The following WSCD2 variants were observed in gnomAD, a reference collection of about 807,000 sequenced individuals.
WSCD2 encodes the protein sialate:O-sulfotransferase 2.
A neutral mutation model predicts 55.7 loss-of-function variants in WSCD2; 28 were observed. The observed-to-expected ratio is 0.50, with a 90% CI of 0.37 to 0.69. WSCD2 has a LOEUF of 0.69. WSCD2 is among the 30% of genes least tolerant of loss of function. The pLI, the probability that WSCD2 is intolerant of heterozygous loss-of-function variation, is 0.00. For missense variants in WSCD2, 616 were observed against 762.1 expected, an observed-to-expected ratio of 0.81 and a Z score of 2.26; for synonymous variants, 301 against 301.9, an observed-to-expected ratio of 1.00 and a Z score of 0.03.
At chr12:108,226,448 G>C (rs908245591) in intron 5 of WSCD2, among the ~76,000 whole-genome samples, 1 of 151,962 alleles carries the variant, frequency 6.6e-6, no homozygotes, top group East Asian at 1.9e-4. Flanking sequence ...CTCATCAAGG[G>C]GGCATTTACT....
intron 2 of WSCD2, among the ~76,000 whole-genome samples, chr12:108,199,028 T>C (rs1025434039): frequency 9.8e-5 from 15 of 152,304 alleles, no homozygotes; most frequent in Admixed American, 9.8e-4. Context: ...CAATCTTATA[T>C]ATTTTATAAA....
At chr12:108,238,855 G>C (rs994590641) in intron 7 of WSCD2, among the ~76,000 whole-genome samples, 3 of 152,226 alleles carry the variant, frequency 2.0e-5, no homozygotes, top group African/African-American at 7.2e-5. Flanking sequence ...CAGAGCCCAG[G>C]TTTGTATTTC....
intron 1 of WSCD2, among the ~76,000 whole-genome samples, chr12:108,177,864 G>C (rs1304014865): frequency 6.6e-6 from 1 of 152,154 alleles, no homozygotes; most frequent in Non-Finnish European, 1.5e-5. Context: ...GGACAGTGGA[G>C]AGCCTCTAGG....
intron 1 of WSCD2, among the ~76,000 whole-genome samples, chr12:108,164,289 T>C (rs1462003268): frequency 6.6e-6 from 1 of 151,870 alleles, no homozygotes; most frequent in East Asian, 1.9e-4. Context: ...TACAGACCAT[T>C]CTTATCACTC....
chr12:108,161,664 G>A (rs576983118), intron 1 of WSCD2, among the ~76,000 whole-genome samples: 1 of 152,344 alleles, frequency 6.6e-6, no homozygotes, highest in South Asian at 2.1e-4. Flanking sequence ...CACTTGGTTT[G>A]TGGTACTCTG....
chr12:108,236,046 T>G (rs1889235767), intron 7 of WSCD2, among the ~76,000 whole-genome samples: 1 of 152,232 alleles, frequency 6.6e-6, no homozygotes, highest in South Asian at 2.1e-4. Flanking sequence ...CCTTTCAGAC[T>G]CCAGGTATAA....
rs60876553 is a variant in WSCD2, at chr12:108,250,200, A to G, written c.*1857A>G. ...TGTGTGTGTGTGTGTGTGTGTGTGTATGAGAGAGAGAGAGAGAGACAACAG... is the reference window on the plus strand; with the variant it reads ...TGTGTGTGTGTGTGTGTGTGTGTGTGTGAGAGAGAGAGAGAGAGACAACAG... On this transcript the variant is annotated 3_prime_UTR_variant, in exon 9 of 9. Transcript: ENST00000547525. 0.15 allele frequency: 15,273 copies of G among 99,770 alleles called. 794 individuals carry two copies. Among genetic ancestry groups the G allele is most frequent in the African/African-American group, 0.19 (5,006 of 26,598 alleles). 6.2% of individuals were successfully genotyped at this position (99,770 alleles called of 1,614,324 possible).
At chr12:108,166,520 G>A (rs944681257) in intron 1 of WSCD2, among the ~76,000 whole-genome samples, 17 of 152,254 alleles carry the variant, frequency 1.1e-4, no homozygotes, top group Middle Eastern at 3.4e-3. Context: ...AAGTGGTCCT[G>A]CTGAAATTCA....
At chr12:108,133,428 T>A (rs1232425711) in intron 1 of WSCD2, among the ~76,000 whole-genome samples, 2 of 152,148 alleles carry the variant, frequency 1.3e-5, no homozygotes, top group Non-Finnish European at 2.9e-5. Context: ...AGTGTAACTT[T>A]TGTGCATGTC....
chr12:108,144,194 C>A (rs1212620209), intron 1 of WSCD2, among the ~76,000 whole-genome samples: 1 of 152,128 alleles, frequency 6.6e-6, no homozygotes, highest in African/African-American at 2.4e-5. Flanking sequence ...GGACCCAGAG[C>A]CTGTACTGTC....
intron 1 of WSCD2, among the ~76,000 whole-genome samples, chr12:108,166,785 C>CTTTCTTTCTTTCTTTCTTTCTTTCTTTA (rs1285771360): frequency 7.4e-6 from 1 of 135,192 alleles, no homozygotes; most frequent in African/African-American, 2.8e-5. Context: ...TTCTTTCTTT[C>CTTTCTTTCTTTCTTTCTTTCTTTCTTTA]TTTCTGTCTT....
At chr12:108,191,100 G>C (rs1229821647) in intron 1 of WSCD2, among the ~76,000 whole-genome samples, 2 of 152,152 alleles carry the variant, frequency 1.3e-5, no homozygotes, top group African/African-American at 4.8e-5. Context: ...AGAGAGAAGT[G>C]GGTTGCTGAA....
chr12:108,226,351 CTG>C (rs970890131), intron 5 of WSCD2, among the ~76,000 whole-genome samples: 1 of 152,132 alleles, frequency 6.6e-6, no homozygotes, highest in African/African-American at 2.4e-5. Flanking sequence ...AACAAAGACT[CTG>C]GGAACACAGG....
At chr12:108,142,971 C>T (rs151138168) in intron 1 of WSCD2, among the ~76,000 whole-genome samples, 4 of 152,232 alleles carry the variant, frequency 2.6e-5, no homozygotes, top group African/African-American at 4.8e-5. Flanking sequence ...CCACTGTGCC[C>T]GGCTAATTTT....
At chr12:108,226,390 G>C (rs769990984) in intron 5 of WSCD2, among the ~76,000 whole-genome samples, 1 of 152,074 alleles carries the variant, frequency 6.6e-6, no homozygotes, top group Non-Finnish European at 1.5e-5. Context: ...TGGCTTAAAA[G>C]AGCAGACTCA....
At chr12:108,176,516 G>A (rs759818928) in intron 1 of WSCD2, among the ~76,000 whole-genome samples, 2 of 152,196 alleles carry the variant, frequency 1.3e-5, no homozygotes, top group Non-Finnish European at 2.9e-5. Context: ...TCATGGCTGA[G>A]TAGTACTCCG....
intron 3 of WSCD2, among the ~76,000 whole-genome samples, chr12:108,209,889 C>G (rs948354946): frequency 2.0e-5 from 3 of 152,006 alleles, no homozygotes; most frequent in African/African-American, 7.2e-5. Context: ...CCCTGTCTCC[C>G]GAAGGCCCCC....
intron 1 of WSCD2, among the ~76,000 whole-genome samples, chr12:108,181,766 C>T (rs1358335618): frequency 6.6e-6 from 1 of 152,208 alleles, no homozygotes; most frequent in African/African-American, 2.4e-5. Context: ...GACTCCTACA[C>T]ATTCCAGAAC....
intron 1 of WSCD2, among the ~76,000 whole-genome samples, chr12:108,191,082 A>G (rs1295172143): frequency 1.1e-4 from 17 of 152,218 alleles, no homozygotes; most frequent in Non-Finnish European, 1.3e-4. Flanking sequence ...CTATGAACAA[A>G]TAGAGACAGA....
Sources: gnomAD v4.1 joint callset for allele counts (sites outside exome capture counted in the v4.1 genomes callset) on GRCh38, gnomAD v4.1.1 for gene constraint, MANE v1.5 for transcripts, NCBI Gene and HGNC (gene_info 2026-07-23, HGNC 2026-07-21) for gene names.